Variants in ZFHX3 observed in about 807,000 individuals in gnomAD.
ZFHX3 encodes the protein zinc finger homeobox protein 3.
ZFHX3 carries 42 observed loss-of-function variants against 279.1 expected under a neutral mutation model. The observed-to-expected ratio is 0.15, with a 90% CI of 0.12 to 0.19. The LOEUF (loss-of-function observed/expected upper bound fraction) is 0.19, where lower values mean the gene tolerates loss of function less well. Among genes scored for constraint, ZFHX3 ranks in the 10% least tolerant of loss-of-function variants. The pLI is 1.00. For missense variants in ZFHX3, 4,981 were observed against 4,754.0 expected, an observed-to-expected ratio of 1.05 and a Z score of -1.40; for synonymous variants, 2,293 against 1,957.8, an observed-to-expected ratio of 1.17 and a Z score of -4.52.
At chr16:73,517,050 G>GT (rs1340358544) in intron 2 of ZFHX3, among the ~76,000 whole-genome samples, 3 of 149,450 alleles carry the variant, frequency 2.0e-5, no homozygotes, top group Non-Finnish European at 4.5e-5. Flanking sequence ...TAGCACCCTC[G>GT]TTGAAGTCTT....
intron 7 of ZFHX3, among the ~76,000 whole-genome samples, chr16:73,098,203 G>A (rs1966189712): frequency 6.6e-6 from 1 of 151,958 alleles, no homozygotes; most frequent in African/African-American, 2.4e-5. Context: ...GAGCAGCTGG[G>A]ACTACAAGCA....
At chr16:72,829,226 A>C (rs1342673502) in intron 5 of ZFHX3, among the ~76,000 whole-genome samples, 1 of 148,018 alleles carries the variant, frequency 6.8e-6, no homozygotes, top group Non-Finnish European at 1.5e-5. Flanking sequence ...TTGCCCAGGC[A>C]GGTCTTGAAT....
At position 73,644,458 on chromosome 16, in the gene ZFHX3, G is replaced by C. The variant is rs532168616; in HGVS notation, c.-1547+35722C>G. On this transcript the variant is annotated intron_variant, in intron 2 of 17. Coordinates refer to the ZFHX3 transcript ENST00000641206. Reference sequence around the variant, plus strand: ...GCAGATTACCTGAGGTCAGGAGTTCGAGACCAGCCATGGTCAACACGGTGA... The same window carrying C: ...GCAGATTACCTGAGGTCAGGAGTTCCAGACCAGCCATGGTCAACACGGTGA... Among the ~76,000 whole-genome samples, 4 of 152,138 alleles carry C rather than the reference G, an allele frequency of 2.6e-5. No homozygotes were observed. In the East Asian group the frequency reaches 7.8e-4, roughly 30 times the overall value.
chr16:73,072,338 G>A (rs1387302388), intron 8 of ZFHX3, among the ~76,000 whole-genome samples: 7 of 151,604 alleles, frequency 4.6e-5, no homozygotes, highest in African/African-American at 1.7e-4. Flanking sequence ...CAGCTACTCA[G>A]GAGGCTGAGG....
intron 1 of ZFHX3, chr16:73,815,986 T>C (rs1483662291): frequency 6.6e-6 from 1 of 152,164 alleles, no homozygotes; most frequent in Non-Finnish European, 1.5e-5. Flanking sequence ...CTAAAGTGGG[T>C]GACCCTCACT....
intron 1 of ZFHX3, among the ~76,000 whole-genome samples, chr16:73,696,018 G>T (rs1463835035): frequency 6.6e-6 from 1 of 152,224 alleles, no homozygotes; most frequent in Non-Finnish European, 1.5e-5. Context: ...CCACAAAAGA[G>T]AGTAAGAGGG....
At chr16:72,901,829 CT>C (rs2039045087) in intron 3 of ZFHX3, among the ~76,000 whole-genome samples, 1 of 152,204 alleles carries the variant, frequency 6.6e-6, no homozygotes, top group Admixed American at 6.5e-5. Context: ...AACGATGACA[CT>C]GCTCATTTCC....
At chr16:73,686,384 G>A (rs1030801121) in intron 1 of ZFHX3, among the ~76,000 whole-genome samples, 2 of 152,142 alleles carry the variant, frequency 1.3e-5, no homozygotes, top group African/African-American at 2.4e-5. Flanking sequence ...GAGCCACCAC[G>A]CCTGGTCATA....
At chr16:73,815,340 A>G (rs142174168) in intron 1 of ZFHX3, among the ~76,000 whole-genome samples, 71 of 152,330 alleles carry the variant, frequency 4.7e-4, no homozygotes, top group Middle Eastern at 3.4e-3. Context: ...CTGTAGCCAC[A>G]TCTATACTTA....
chr16:72,918,494 C>T (rs1240535654), intron 3 of ZFHX3, among the ~76,000 whole-genome samples: 2 of 152,236 alleles, frequency 1.3e-5, no homozygotes, highest in East Asian at 3.9e-4. Flanking sequence ...TAAACACTTA[C>T]AAAATCATCA....
At chr16:72,837,129 G>C (rs1391402953) in intron 4 of ZFHX3, among the ~76,000 whole-genome samples, 2 of 152,160 alleles carry the variant, frequency 1.3e-5, no homozygotes, top group African/African-American at 4.8e-5. Flanking sequence ...ACAGAGTGTG[G>C]GAAAAACAGA....
At chr16:73,548,181 C>T (rs539912021) in intron 2 of ZFHX3, among the ~76,000 whole-genome samples, 2 of 152,280 alleles carry the variant, frequency 1.3e-5, no homozygotes, top group Admixed American at 6.5e-5. Flanking sequence ...GGAAAAGATC[C>T]TAAATCAGTT....
At chr16:73,838,094 C>A (rs1041389091) in intron 1 of ZFHX3, among the ~76,000 whole-genome samples, 9 of 152,326 alleles carry the variant, frequency 5.9e-5, no homozygotes, top group Admixed American at 5.2e-4. Flanking sequence ...CCACTTGACA[C>A]TAAGTGTTTG....
chr16:72,794,485 G>A lies in ZFHX3; in HGVS notation c.8197C>T (p.Arg2733Cys), dbSNP rs759038643. 6.2e-6 allele frequency: 10 copies of A among 1,614,066 alleles called. No homozygotes were observed. Among genetic ancestry groups the A allele is most frequent in the East Asian group, 2.2e-5 (1 of 44,884 alleles). ...KTALEAHIRS[R>C]HWHEAKRAGY... ...GCTCTCTTGGCTTCATGCCAGTGACGGGACCGGATATGAGCCTCAAGAGCA... is the reference window on the plus strand; with the variant it reads ...GCTCTCTTGGCTTCATGCCAGTGACAGGACCGGATATGAGCCTCAAGAGCA... Residue 2733 changes from arginine to cysteine, a missense_variant, in exon 9 of 10, where the codon CGT (arginine) becomes TGT (cysteine). This residue lies in a region of ZFHX3 where 744 missense variants were observed against 701.3 expected (regional missense o/e 1.06). Transcript: ENST00000268489. This position sits in a 1 kb window ranked among gnomAD's most constrained non-coding sequence, Gnocchi z 4.2.
intron 1 of ZFHX3, among the ~76,000 whole-genome samples, chr16:72,989,737 G>C (rs1963002782): frequency 6.6e-6 from 1 of 152,238 alleles, no homozygotes; most frequent in South Asian, 2.1e-4. Context: ...GAGTTCTACA[G>C]CCCAGGAAGA....
chr16:73,669,075 T>G (rs1230831474), intron 2 of ZFHX3, among the ~76,000 whole-genome samples: 3 of 151,650 alleles, frequency 2.0e-5, no homozygotes, highest in Admixed American at 2.0e-4. Context: ...TATTTTCTAT[T>G]TTTTTTTAAG....
At chr16:73,373,864 A>C (rs1340110172) in intron 3 of ZFHX3, among the ~76,000 whole-genome samples, 1 of 152,250 alleles carries the variant, frequency 6.6e-6, no homozygotes, top group Admixed American at 6.5e-5. Context: ...ATGATTGTGC[A>C]AACTTTGGAC....
At chr16:73,879,299 A>G (rs2030064792) in intron 1 of ZFHX3, among the ~76,000 whole-genome samples, 3 of 151,190 alleles carry the variant, frequency 2.0e-5, no homozygotes, top group East Asian at 1.9e-4. Context: ...AAAAAAAAAA[A>G]AGCAGACACA....
intron 1 of ZFHX3, among the ~76,000 whole-genome samples, chr16:73,681,533 G>T (rs546661102): frequency 6.6e-6 from 1 of 152,198 alleles, no homozygotes; most frequent in Non-Finnish European, 1.5e-5. Context: ...ATAGTCATGA[G>T]TCTAGAGCAC....
Sources: allele counts gnomAD v4.1 joint callset (sites outside exome capture counted in the v4.1 genomes callset), GRCh38; gene constraint gnomAD v4.1.1; regional missense constraint gnomAD v4.1.1; non-coding constraint Gnocchi (gnomAD v3.1); transcripts MANE v1.5; gene names NCBI Gene and HGNC (gene_info 2026-07-23, HGNC 2026-07-21).